VGLL4: variants seen among roughly 807,000 people sequenced by gnomAD.
VGLL4 encodes vestigial like family member 4, also known as transcription cofactor vestigial-like protein 4.
Under a neutral mutation model 21.0 loss-of-function variants are expected in VGLL4, and 7 were observed. The observed-to-expected ratio is 0.33, with a 90% confidence interval of 0.19 to 0.63. The LOEUF (loss-of-function observed/expected upper bound fraction) is 0.63, where lower values mean the gene tolerates loss of function less well. Among genes scored for constraint, VGLL4 ranks in the 20% least tolerant of loss-of-function variants. VGLL4 has a pLI of 0.78. For synonymous variants in VGLL4, 222 were observed against 173.2 expected, an observed-to-expected ratio of 1.28 and a Z score of -2.21; for missense variants, 394 against 425.7, an observed-to-expected ratio of 0.93 and a Z score of 0.66.
intron 1 of VGLL4, among the ~76,000 whole-genome samples, chr3:11,718,614 T>TTC (rs1297588038): frequency 1.3e-5 from 2 of 152,116 alleles, no homozygotes; most frequent in African/African-American, 4.8e-5. Flanking sequence ...TAATTTTTTT[T>TTC]TTGTCTTTGA....
chr3:11,656,544 A>G (rs59384615), intron 2 of VGLL4, among the ~76,000 whole-genome samples: 15,600 of 152,176 alleles, frequency 0.1, 1,256 homozygotes, highest in African/African-American at 0.23. Context: ...CCCTCAACGT[A>G]TCTGTCAAAC....
intron 2 of VGLL4, among the ~76,000 whole-genome samples, chr3:11,666,264 A>G (rs10212347): frequency 0.017 from 2,580 of 151,640 alleles, 86 homozygotes; most frequent in African/African-American, 0.06. Flanking sequence ...AAAAAAAAAA[A>G]AGAAAGTTCA....
At chr3:11,631,208 C>T (rs1361500616) in intron 1 of VGLL4, among the ~76,000 whole-genome samples, 3 of 152,164 alleles carry the variant, frequency 2.0e-5, no homozygotes, top group Non-Finnish European at 2.9e-5. Flanking sequence ...GGGGGATGTG[C>T]GTACTGACTG....
At chr3:11,573,763 T>C (rs2073947195) in intron 2 of VGLL4, among the ~76,000 whole-genome samples, 2 of 152,368 alleles carry the variant, frequency 1.3e-5, no homozygotes, top group South Asian at 4.1e-4. Flanking sequence ...CTTTAATTTC[T>C]GTAATGGGTT....
At chr3:11,694,005 A>C (rs1168089187) in intron 2 of VGLL4, among the ~76,000 whole-genome samples, 1 of 152,168 alleles carries the variant, frequency 6.6e-6, no homozygotes, top group Non-Finnish European at 1.5e-5. Flanking sequence ...TTCAATTCTC[A>C]GCACTGCCAC....
At chr3:11,694,851 G>A (rs2076581855) in intron 2 of VGLL4, among the ~76,000 whole-genome samples, 1 of 152,194 alleles carries the variant, frequency 6.6e-6, no homozygotes, top group African/African-American at 2.4e-5. Flanking sequence ...TTGTGGAACA[G>A]AGGTTTGGTT....
chr3:11,567,302 G>C (rs537580728), intron 2 of VGLL4, among the ~76,000 whole-genome samples: 46 of 152,290 alleles, frequency 3.0e-4, no homozygotes, highest in African/African-American at 1.1e-3. Flanking sequence ...TGAGCGCCAA[G>C]AGAACCCTGT....
chr3:11,561,392 G>A (rs1407252562), intron 3 of VGLL4, among the ~76,000 whole-genome samples: 1 of 152,094 alleles, frequency 6.6e-6, no homozygotes, highest in African/African-American at 2.4e-5. Flanking sequence ...CCACCTTCAG[G>A]GCATCTCCTG....
chr3:11,569,348 TC>T (rs1302040118), intron 2 of VGLL4, among the ~76,000 whole-genome samples: 1 of 151,988 alleles, frequency 6.6e-6, no homozygotes, highest in African/African-American at 2.4e-5. Flanking sequence ...CATTCTGGGG[TC>T]CCCAAAGGCC....
At position 11,574,729 on chromosome 3, in the gene VGLL4, C is replaced by T. The variant is rs185404338; in HGVS notation, c.273-9710G>A. 5.0e-4 allele frequency among the ~76,000 whole-genome samples: 75 copies of T among 150,760 alleles called. 1 individual carries two copies. The highest frequency in any genetic ancestry group is 5.7e-4 in the Non-Finnish European group (39 of 67,868). ...GCTCATCACTCTACATGACACATGT[C>T]GAAACTTCACTATGTACCCCATGAA... On this transcript the variant is annotated intron_variant, in intron 2 of 4. Coordinates refer to ENST00000430365, the MANE Select transcript of VGLL4 (RefSeq NM_001128219.3).
rs185858058 is a variant in VGLL4 at position 11,603,709 on chromosome 3, C to T, written c.83-1687G>A. 3.1e-3 allele frequency among the ~76,000 whole-genome samples: 469 copies of T among 152,286 alleles called. 5 individuals carry two copies. The highest frequency in any genetic ancestry group is 0.011 in the African/African-American group (449 of 41,556). On this transcript the variant is annotated intron_variant, in intron 1 of 4. Transcript: ENST00000430365. ...CCTCTCCACCCAGGGTTTCTCAACA[C>T]CCCTGGCAGGATGCGAGGGGATGAG...
intron 2 of VGLL4, among the ~76,000 whole-genome samples, chr3:11,590,556 C>T (rs1231263125): frequency 6.6e-6 from 1 of 152,180 alleles, no homozygotes; most frequent in Non-Finnish European, 1.5e-5. Flanking sequence ...ACTCAGATCC[C>T]TTGTCTGGCA....
At chr3:11,562,083 A>T (rs2073071047) in intron 3 of VGLL4, among the ~76,000 whole-genome samples, 1 of 151,732 alleles carries the variant, frequency 6.6e-6, no homozygotes, top group Non-Finnish European at 1.5e-5. Flanking sequence ...CTTTTAGTAA[A>T]AACAGGGTTT....
In VGLL4 at chr3:11,590,330, G is replaced by A. The variant is rs550932565; in HGVS notation, c.272+11503C>T. The stretch of plus-strand genomic sequence containing the variant: ...AGATGTGCTTCTACATTGACCTGAC[G>A]TAATAGGAGTTGGTTTGTCCTTTCT... On this transcript the variant is annotated intron_variant, in intron 2 of 4. Transcript: ENST00000430365. 2.4e-3 allele frequency among the ~76,000 whole-genome samples: 365 copies of A among 152,306 alleles called. 4 individuals carry two copies. Among genetic ancestry groups the A allele is most frequent in the Non-Finnish European group, 3.2e-3 (218 of 68,012 alleles).
intron 1 of VGLL4, among the ~76,000 whole-genome samples, chr3:11,717,357 C>T (rs116339654): frequency 6.6e-6 from 1 of 151,988 alleles, no homozygotes; most frequent in African/African-American, 2.4e-5. Flanking sequence ...AAAAGCTGCA[C>T]AGCAAAACTC....
At chr3:11,573,241 AAT>A (rs59548325) in intron 2 of VGLL4, among the ~76,000 whole-genome samples, 45,928 of 115,680 alleles carry the variant, frequency 0.4, 12,443 homozygotes, top group African/African-American at 0.61. Flanking sequence ...AAAGAAAAGA[AAT>A]AGAGAAAGAA....
intron 2 of VGLL4, among the ~76,000 whole-genome samples, chr3:11,672,655 T>A (rs2076233826): frequency 1.3e-5 from 2 of 152,212 alleles, no homozygotes; most frequent in South Asian, 4.1e-4. Context: ...TTCAAACAGC[T>A]TTCTCCAGCC....
chr3:11,643,783 G>T lies in VGLL4; in HGVS notation c.-265C>A. On this transcript the variant is annotated 5_prime_UTR_variant, in exon 1 of 5. The change creates a new upstream start codon in the 5' untranslated region. Transcript: ENST00000430365. ...GATCGAGTATGAAAACAGCGTTTCA[G>T]AAGTCCTTACAAGTCCTTCCTGGAA... is the stretch of plus-strand genomic sequence containing the variant. The T allele has an allele frequency of 1.1e-5, 13 of 1,188,696 alleles. No homozygotes were observed. Among genetic ancestry groups the T allele is most frequent in the Non-Finnish European group, 1.3e-5 (12 of 958,060 alleles). 73.6% of individuals were successfully genotyped at this position (1,188,696 alleles called of 1,614,324 possible). A position where few individuals can be genotyped will look rare whatever the true frequency, so the allele number is the denominator to read the frequency against.
intron 2 of VGLL4, among the ~76,000 whole-genome samples, chr3:11,668,034 T>C (rs1040250046): frequency 6.6e-6 from 1 of 151,620 alleles, no homozygotes; most frequent in Non-Finnish European, 1.5e-5. Flanking sequence ...TTGTATTTTT[T>C]TGTAGAGACC....
Sources: gnomAD v4.1 joint callset for allele counts (sites outside exome capture counted in the v4.1 genomes callset) on GRCh38, gnomAD v4.1.1 for gene constraint, MANE v1.5 for transcripts, NCBI Gene and HGNC (gene_info 2026-07-23, HGNC 2026-07-21) for gene names.